Variants in GPHN observed in about 807,000 individuals in gnomAD.
GPHN encodes gephyrin.
Under a neutral mutation model 95.5 loss-of-function variants are expected in GPHN, and 17 were observed. That is an observed-to-expected ratio of 0.18 (90% CI 0.12 to 0.27). The LOEUF (loss-of-function observed/expected upper bound fraction) is 0.27. Ranked by LOEUF, GPHN falls within the 10% of genes least tolerant of loss-of-function variation. The pLI is 1.00. For missense variants in GPHN, 660 were observed against 978.1 expected (o/e 0.67, Z 4.34); for synonymous variants, 320 against 322.5 (o/e 0.99, Z 0.08).
At chr14:67,079,941 G>T (rs1204567724) in intron 11 of GPHN, among the ~76,000 whole-genome samples, 1 of 151,942 alleles carries the variant, frequency 6.6e-6, no homozygotes, top group African/African-American at 2.4e-5. Flanking sequence ...TACATACCCA[G>T]AAGTGGGGTT....
the GPHN span, among the ~76,000 whole-genome samples, chr14:67,466,615 T>C: frequency 6.6e-6 from 1 of 152,188 alleles, no homozygotes; most frequent in African/African-American, 2.4e-5. Flanking sequence ...CTTAAAGCAC[T>C]CACTACGTGC....
chr14:67,119,158 C>A (rs2078868547), intron 16 of GPHN, among the ~76,000 whole-genome samples: 1 of 152,150 alleles, frequency 6.6e-6, no homozygotes, highest in African/African-American at 2.4e-5. Context: ...TGTCCATGAT[C>A]TTATCTTAAA....
chr14:67,168,741 C>G (rs2082426650), intron 20 of GPHN, among the ~76,000 whole-genome samples, 192 bp from the exon 21 acceptor site: 1 of 152,108 alleles, frequency 6.6e-6, no homozygotes, highest in East Asian at 1.9e-4. Context: ...CTGAAAGACG[C>G]AAATGTTTAC....
chr14:67,525,227 C>G, the GPHN span, among the ~76,000 whole-genome samples: 1 of 152,110 alleles, frequency 6.6e-6, no homozygotes, highest in African/African-American at 2.4e-5. Flanking sequence ...TATTTATATA[C>G]ATAAATATAC....
At chr14:66,791,676 G>A (rs1370766926) in intron 3 of GPHN, among the ~76,000 whole-genome samples, 1 of 152,224 alleles carries the variant, frequency 6.6e-6, no homozygotes, top group East Asian at 1.9e-4. Flanking sequence ...TTTATAACAA[G>A]TAGTAAAGCC....
At chr14:67,324,568 T>G in the GPHN span, among the ~76,000 whole-genome samples, 619 of 152,168 alleles carry the variant, frequency 4.1e-3, 3 homozygotes, top group Non-Finnish European at 5.2e-3. Flanking sequence ...GATTGTTTTT[T>G]TTGTTGTTGT....
chr14:66,522,222 A>G (rs1001657800), intron 1 of GPHN, among the ~76,000 whole-genome samples: 8 of 152,160 alleles, frequency 5.3e-5, no homozygotes, highest in Non-Finnish European at 1.0e-4. Context: ...TAATACACAC[A>G]TAATTGAAAT....
At chr14:66,592,346 T>G (rs552730139) in intron 1 of GPHN, among the ~76,000 whole-genome samples, 2 of 151,792 alleles carry the variant, frequency 1.3e-5, no homozygotes, top group African/African-American at 2.4e-5. Context: ...CAAAAGAAAC[T>G]ATCATCACAG....
At chr14:67,093,214 GA>G (rs1315625685) in intron 12 of GPHN, among the ~76,000 whole-genome samples, 3 of 151,940 alleles carry the variant, frequency 2.0e-5, no homozygotes, top group African/African-American at 4.8e-5. Context: ...TTTACATTCT[GA>G]TTGAAATTAC....
intron 1 of GPHN, among the ~76,000 whole-genome samples, chr14:66,539,835 AC>A (rs1463601450): frequency 1.3e-5 from 2 of 152,134 alleles, no homozygotes; most frequent in East Asian, 3.9e-4. Context: ...TTATCTGCAC[AC>A]CTAGGAAGGG....
chr14:66,642,240 G>A (rs111965509), intron 1 of GPHN, among the ~76,000 whole-genome samples: 77 of 152,162 alleles, frequency 5.1e-4, no homozygotes, highest in African/African-American at 1.6e-3. Context: ...TTTCTGAGTG[G>A]GCCCAGTCTA....
At chr14:67,202,559 A>G in the GPHN span, among the ~76,000 whole-genome samples, 9 of 152,238 alleles carry the variant, frequency 5.9e-5, no homozygotes, top group Non-Finnish European at 1.2e-4. Context: ...TGTTGTCTAT[A>G]CTTCTAAGGT....
intron 1 of GPHN, among the ~76,000 whole-genome samples, chr14:66,570,441 A>T (rs2060640787): frequency 6.6e-6 from 1 of 151,710 alleles, no homozygotes; most frequent in African/African-American, 2.4e-5. Context: ...GGTAGCTGGG[A>T]TTACCGGTGC....
chr14:67,548,185 T>C, the GPHN span, among the ~76,000 whole-genome samples: 2 of 152,200 alleles, frequency 1.3e-5, no homozygotes, highest in Non-Finnish European at 2.9e-5. Flanking sequence ...GCCACATAAA[T>C]GGATATTAAA....
intron 1 of GPHN, among the ~76,000 whole-genome samples, chr14:66,621,338 A>G (rs1203009153): frequency 6.6e-6 from 1 of 150,416 alleles, no homozygotes; most frequent in Non-Finnish European, 1.5e-5. Flanking sequence ...GATGGTCTCT[A>G]TCTCCTGACC....
intron 1 of GPHN, among the ~76,000 whole-genome samples, chr14:66,533,276 G>A (rs2059015200): frequency 1.3e-5 from 2 of 152,096 alleles, no homozygotes; most frequent in South Asian, 2.1e-4. Flanking sequence ...GTAGAGGATG[G>A]CAGCTTTTAG....
chr14:66,949,087 T>G (rs1041836613), intron 8 of GPHN, among the ~76,000 whole-genome samples: 3 of 152,212 alleles, frequency 2.0e-5, no homozygotes, highest in Admixed American at 2.0e-4. Context: ...TTTGTTCTTG[T>G]TTTTGTTTTT....
chr14:67,508,392 C>A, the GPHN span, among the ~76,000 whole-genome samples: 2 of 151,998 alleles, frequency 1.3e-5, no homozygotes, highest in African/African-American at 2.4e-5. Context: ...AATATCTTGT[C>A]CAAATGATAA....
At chr14:67,408,844 A>G in the GPHN span, among the ~76,000 whole-genome samples, 10 of 152,144 alleles carry the variant, frequency 6.6e-5, no homozygotes, top group South Asian at 2.1e-4. Flanking sequence ...TTTTAATACT[A>G]TAAACATATT....
Sources: gnomAD v4.1 joint callset for allele counts (sites outside exome capture counted in the v4.1 genomes callset) on GRCh38, gnomAD v4.1.1 for gene constraint, MANE v1.5 for transcripts, NCBI Gene and HGNC (gene_info 2026-07-23, HGNC 2026-07-21) for gene names.